The following SH2D4B variants were observed in gnomAD, a reference collection of about 807,000 sequenced individuals.
The protein encoded by SH2D4B is SH2 domain containing 4B.
In SH2D4B, 45 loss-of-function variants were observed where a neutral mutation model predicts 61.5. The ratio of observed to expected loss-of-function variants is 0.73; its 90% CI spans 0.58 to 0.94. The LOEUF (loss-of-function observed/expected upper bound fraction) is 0.94, where lower values mean the gene tolerates loss of function less well. SH2D4B is among the 40% of genes least tolerant of loss of function. The pLI is 0.00. For synonymous variants in SH2D4B, 224 were observed against 220.4 expected, an observed-to-expected ratio of 1.02 and a Z score of -0.14; for missense variants, 572 against 574.2, an observed-to-expected ratio of 1.00 and a Z score of 0.04.
At chr10:80,614,945 A>T (rs1327973950) in intron 6 of SH2D4B, among the ~76,000 whole-genome samples, 1 of 152,152 alleles carries the variant, frequency 6.6e-6, no homozygotes, top group East Asian at 1.9e-4. Context: ...AGCAATGGTG[A>T]TCCCCTCCTG....
chr10:80,597,621 G>A (rs770302863), intron 4 of SH2D4B, among the ~76,000 whole-genome samples: 39 of 152,174 alleles, frequency 2.6e-4, no homozygotes, highest in Admixed American at 1.6e-3. Flanking sequence ...AGCTGAGATC[G>A]TGCCATTGCA....
chr10:80,580,626 T>C (rs1486522561), intron 3 of SH2D4B, among the ~76,000 whole-genome samples: 1 of 152,198 alleles, frequency 6.6e-6, no homozygotes, highest in Admixed American at 6.5e-5. Context: ...TTTTAAAGTT[T>C]CTCATGAGTC....
chr10:80,610,844 C>A (rs1024087422), intron 6 of SH2D4B, among the ~76,000 whole-genome samples: 2 of 152,128 alleles, frequency 1.3e-5, no homozygotes, highest in South Asian at 2.1e-4. Flanking sequence ...CTTTAGTCTG[C>A]GCCTCAGCCT....
intron 1 of SH2D4B, among the ~76,000 whole-genome samples, chr10:80,543,071 C>A (rs1023973537): frequency 1.3e-5 from 2 of 152,112 alleles, no homozygotes; most frequent in Admixed American, 6.5e-5. Flanking sequence ...CTTTATTTCT[C>A]AGCATCAAGT....
At chr10:80,577,144 AG>A (rs775018080) in intron 3 of SH2D4B, among the ~76,000 whole-genome samples, 1 of 152,214 alleles carries the variant, frequency 6.6e-6, no homozygotes, top group Non-Finnish European at 1.5e-5. Flanking sequence ...CATTTTTGGA[AG>A]CTGTCCTATA....
intron 3 of SH2D4B, among the ~76,000 whole-genome samples, chr10:80,579,916 C>T (rs747205943): frequency 6.6e-6 from 1 of 152,210 alleles, no homozygotes; most frequent in Non-Finnish European, 1.5e-5. Flanking sequence ...CTGTCCCTCC[C>T]GGGGATCATC....
In SH2D4B at chr10:80,633,709, G is replaced by A. The variant is rs534225211; in HGVS notation, c.989-576G>A. Among the ~76,000 whole-genome samples, 8 of 152,330 alleles carry A rather than the reference G, an allele frequency of 5.3e-5. No individual in the cohort carries two copies. In the South Asian group the frequency reaches 1.7e-3, roughly 32 times the overall value. ...GTGTAGGAGTGCAAGTCCTTAGAAA[G>A]TTTTGATCTCTGAGCTGAAGTGAAG... On this transcript the variant is annotated intron_variant, in intron 6 of 7. Coordinates refer to ENST00000646907, the MANE Select transcript of SH2D4B (RefSeq NM_001388272.1).
Position 80,593,520 on chromosome 10 carries a change from T to C in SH2D4B, c.643+4743T>C, listed in dbSNP as rs571298900. 2.0e-5 allele frequency among the ~76,000 whole-genome samples: 3 copies of C among 152,364 alleles called. 1 individual carries two copies. In the South Asian group the frequency reaches 6.2e-4, roughly 32 times the overall value. ...ATTGTTTATTGCTAGTGCATAGAAA[T>C]GCAATTGACTTTTGTATATTGATCT... On this transcript the variant is annotated intron_variant, in intron 4 of 7. Coordinates refer to ENST00000646907, the MANE Select transcript of SH2D4B (RefSeq NM_001388272.1).
chr10:80,631,080 A>G (rs1470407854), intron 6 of SH2D4B, among the ~76,000 whole-genome samples: 2 of 152,254 alleles, frequency 1.3e-5, no homozygotes, highest in Non-Finnish European at 2.9e-5. Flanking sequence ...CTCTTAAAGC[A>G]TGAAAATACA....
At position 80,562,894 on chromosome 10, in the gene SH2D4B, C is replaced by T. The variant is rs796980816; in HGVS notation, c.185-7260C>T. On this transcript the variant is annotated intron_variant, in intron 1 of 7. Transcript: ENST00000646907. ...TGACCTATGATGCTGAACATTTTTT[C>T]TTTTTTTTTTTTTTTTTTTTTTTTT... is the stretch of plus-strand genomic sequence containing the variant. Among the ~76,000 whole-genome samples the T allele has an allele frequency of 7.2e-3, 535 of 74,758 alleles. 5 individuals carry two copies. The highest frequency in any genetic ancestry group is 9.8e-3 in the Non-Finnish European group (404 of 41,310). The allele number at this position is 74,758 out of a possible 152,430, so 49.0% of individuals were successfully genotyped here.
Position 80,638,250 on chromosome 10 carries a change from T to A in SH2D4B, c.1209+3745T>A, listed in dbSNP as rs538564249. On this transcript the variant is annotated intron_variant, in intron 7 of 7. Coordinates refer to ENST00000646907, the MANE Select transcript of SH2D4B (RefSeq NM_001388272.1). ...AGGGATATTGGTCTAAAATTCTCTT[T>A]TTTTGTTGTGTCTCTGCCAGGCTTT... Among the ~76,000 whole-genome samples, 27 of 152,350 alleles carry A rather than the reference T, an allele frequency of 1.8e-4. No homozygotes were observed. The South Asian group carries it at 5.4e-3, about 30-fold the overall frequency.
At chr10:80,625,574 T>G (rs545357292) in intron 6 of SH2D4B, among the ~76,000 whole-genome samples, 1 of 128,072 alleles carries the variant, frequency 7.8e-6, no homozygotes, top group Non-Finnish European at 1.7e-5. Context: ...TTTCTTTTTC[T>G]TTTTTTTTCT....
At chr10:80,608,466 A>C (rs1220503444) in intron 5 of SH2D4B, among the ~76,000 whole-genome samples, 1 of 152,146 alleles carries the variant, frequency 6.6e-6, no homozygotes, top group Non-Finnish European at 1.5e-5. Context: ...ATTGTACTTT[A>C]CCACACAGTT....
intron 1 of SH2D4B, among the ~76,000 whole-genome samples, chr10:80,545,858 A>G (rs1165367723): frequency 6.6e-6 from 1 of 152,164 alleles, no homozygotes; most frequent in East Asian, 1.9e-4. Context: ...AATCCTCACT[A>G]AAAGTATAGA....
chr10:80,605,642 C>T (rs1391639990), intron 5 of SH2D4B, among the ~76,000 whole-genome samples: 2 of 152,160 alleles, frequency 1.3e-5, no homozygotes, highest in Admixed American at 1.3e-4. Context: ...CCTCAGCCTC[C>T]TGAGTAGCTG....
chr10:80,640,429 CA>C (rs1228500553), intron 7 of SH2D4B, among the ~76,000 whole-genome samples: 1 of 152,232 alleles, frequency 6.6e-6, no homozygotes, highest in Non-Finnish European at 1.5e-5. Flanking sequence ...GCACACCAAT[CA>C]GACGTAGATT....
chr10:80,632,291 A>T (rs1176455501), intron 6 of SH2D4B, among the ~76,000 whole-genome samples: 1 of 152,264 alleles, frequency 6.6e-6, no homozygotes, highest in Admixed American at 6.5e-5. Flanking sequence ...TACCACAAAA[A>T]ATATGTGAGG....
intron 2 of SH2D4B, among the ~76,000 whole-genome samples, chr10:80,570,885 G>GT (rs1462279102): frequency 3.3e-5 from 5 of 151,766 alleles, no homozygotes; most frequent in South Asian, 2.1e-4. Context: ...ATTTTGTTTT[G>GT]TTTTTTTGAG....
At position 80,538,399 on chromosome 10, in the gene SH2D4B, A is replaced by T; in HGVS notation, c.68A>T (p.Gln23Leu). Residue 23 changes from glutamine to leucine, a missense_variant, in exon 1 of 8, where the codon CAG (glutamine) becomes CTG (leucine). Gln to Leu is a moderately radical substitution (Grantham distance 113, BLOSUM62 -2). Coordinates refer to ENST00000646907, the MANE Select transcript of SH2D4B (RefSeq NM_001388272.1). This position sits in a 1 kb window ranked among gnomAD's most constrained non-coding sequence, Gnocchi z 4.8. ...CTCCTTGCCGAGCTCAGCGATGTGC[A>T]GAAGCACATCCTCTTCTACAAAATG... ...PELLAELSDV[Q>L]KHILFYKMRE... 10 of 1,465,602 alleles carry T rather than the reference A, an allele frequency of 6.8e-6. No individual in the cohort carries two copies. Among genetic ancestry groups the T allele is most frequent in the Non-Finnish European group, 9.0e-6 (10 of 1,106,720 alleles). The allele number at this position is 1,465,602 out of a possible 1,614,324, so 90.8% of individuals were successfully genotyped here.
Sources: allele counts gnomAD v4.1 joint callset (sites outside exome capture counted in the v4.1 genomes callset), GRCh38; gene constraint gnomAD v4.1.1; non-coding constraint Gnocchi (gnomAD v3.1); transcripts MANE v1.5; gene names NCBI Gene and HGNC (gene_info 2026-07-23, HGNC 2026-07-21).